ZNF345: variants seen among roughly 807,000 people sequenced by gnomAD.
ZNF345 encodes the protein zinc finger protein 345.
For missense variants in ZNF345, 527 were observed against 589.9 expected, an observed-to-expected ratio of 0.89 and a Z score of 1.10; for synonymous variants, 166 against 187.9, an observed-to-expected ratio of 0.88 and a Z score of 0.95.
At chr19:36,887,435 G>A (rs951097691) in intron 3 of ZNF345, among the ~76,000 whole-genome samples, 1 of 152,130 alleles carries the variant, frequency 6.6e-6, no homozygotes, top group Admixed American at 6.5e-5. Context: ...TTTAGTAGTA[G>A]GGGAAACTAG....
rs1473456846 is a variant in ZNF345 at position 36,878,801 on chromosome 19, A to G, written c.*504A>G. The stretch of plus-strand genomic sequence containing the variant: ...GATGGTAAGTTACATTTTTATTCAC[A>G]TAAAGCTTGGATATCAGGTCAGTGT... On this transcript the variant is annotated 3_prime_UTR_variant, in exon 3 of 3. Coordinates refer to ENST00000420450, the MANE Select transcript of ZNF345 (RefSeq NM_001242472.2). The G allele has an allele frequency of 3.0e-5, 5 of 167,032 alleles. No homozygotes were observed. Among genetic ancestry groups the G allele is most frequent in the Non-Finnish European group, 5.9e-5 (4 of 68,334 alleles). 10.3% of individuals were successfully genotyped at this position (167,032 alleles called of 1,614,324 possible).
intron 3 of ZNF345, chr19:36,891,816 T>C (rs1305859121): frequency 6.2e-7 from 1 of 1,614,128 alleles, no homozygotes; most frequent in Non-Finnish European, 8.5e-7. Context: ...ACTGCTTACA[T>C]TCATAAGGTT....
rs575928687 is a variant in ZNF345 at position 36,871,197 on chromosome 19, G to T, written c.-46-5588G>T. ...TAAAAAGGGAAAGGCAGTCCTCTGG[G>T]TACTCTTTTTTAAGGACATTAATTA... On this transcript the variant is annotated intron_variant, in intron 2 of 2. Coordinates refer to ENST00000420450, the MANE Select transcript of ZNF345 (RefSeq NM_001242472.2). Among the ~76,000 whole-genome samples the T allele has an allele frequency of 7.2e-5, 11 of 152,256 alleles. 1 individual carries two copies. The South Asian group carries it at 2.3e-3, about 32-fold the overall frequency.
At chr19:36,870,839 C>G (rs909835788) in intron 2 of ZNF345, among the ~76,000 whole-genome samples, 1 of 151,966 alleles carries the variant, frequency 6.6e-6, no homozygotes, top group Admixed American at 6.6e-5. Flanking sequence ...ACCAAGTGGA[C>G]CCATTAAATA....
In ZNF345 at chr19:36,858,839, C is replaced by G. The variant is rs573632240; in HGVS notation, c.-47+6935C>G. On this transcript the variant is annotated intron_variant, in intron 2 of 2. Coordinates refer to ENST00000420450, the MANE Select transcript of ZNF345 (RefSeq NM_001242472.2). ...AATGTACACTCAGGAATGAGAATCACTGAGTTAGACAATCGTGATTTGTTT... is the reference window on the plus strand; with the variant it reads ...AATGTACACTCAGGAATGAGAATCAGTGAGTTAGACAATCGTGATTTGTTT... Among the ~76,000 whole-genome samples, 6 of 152,258 alleles carry G rather than the reference C, an allele frequency of 3.9e-5. No individual in the cohort carries two copies. The South Asian group carries it at 1.0e-3, about 26-fold the overall frequency.
chr19:36,865,733 A>G (rs1287962350), intron 2 of ZNF345, among the ~76,000 whole-genome samples: 1 of 152,204 alleles, frequency 6.6e-6, no homozygotes, highest in Non-Finnish European at 1.5e-5. Context: ...CTTGCTTTCT[A>G]GTACTTACAT....
chr19:36,870,421 C>T (rs1041407962), intron 2 of ZNF345, among the ~76,000 whole-genome samples: 1 of 152,042 alleles, frequency 6.6e-6, no homozygotes, highest in Non-Finnish European at 1.5e-5. Context: ...CACTATTACT[C>T]TAGAATTCTA....
intron 2 of ZNF345, among the ~76,000 whole-genome samples, chr19:36,872,063 G>A (rs779433056): frequency 8.6e-5 from 13 of 151,984 alleles, no homozygotes; most frequent in South Asian, 2.1e-4. Context: ...CACCATGCCC[G>A]GCCCTGTTTT....
intron 2 of ZNF345, among the ~76,000 whole-genome samples, chr19:36,854,239 T>TG (rs200893326): frequency 0.017 from 2,617 of 151,648 alleles, 88 homozygotes; most frequent in African/African-American, 0.059. Flanking sequence ...GGTTTTGTTT[T>TG]TTTTTTTTTT....
chr19:36,868,629 C>CTT (rs539327560), intron 2 of ZNF345, among the ~76,000 whole-genome samples: 1,752 of 134,638 alleles, frequency 0.013, 56 homozygotes, highest in African/African-American at 0.044. Context: ...TGAGGAGTGG[C>CTT]TTTTTTTTTT....
upstream of ZNF345, chr19:36,850,635 C>G (rs187434688): frequency 6.6e-6 from 1 of 152,376 alleles, no homozygotes; most frequent in Non-Finnish European, 1.5e-5. Context: ...AGGAGCCTGA[C>G]TAAAGCTTGG....
At chr19:36,869,304 AAG>A (rs1004772263) in intron 2 of ZNF345, among the ~76,000 whole-genome samples, 11 of 152,180 alleles carry the variant, frequency 7.2e-5, no homozygotes, top group Non-Finnish European at 1.5e-4. Context: ...CAGCACAGTA[AAG>A]AGACACATAG....
chr19:36,851,668 G>T (rs926348627), intron 1 of ZNF345, 162 bp from the exon 2 acceptor site: 4 of 152,300 alleles, frequency 2.6e-5, no homozygotes, highest in African/African-American at 9.7e-5. Context: ...TGACCCTACC[G>T]TTGTCTGTGA....
intron 2 of ZNF345, among the ~76,000 whole-genome samples, chr19:36,857,536 C>T (rs567915800): frequency 6.6e-6 from 1 of 151,808 alleles, no homozygotes; most frequent in Non-Finnish European, 1.5e-5. Context: ...CCCGAACTCC[C>T]GACCCCAGGT....
downstream of ZNF345, among the ~76,000 whole-genome samples, chr19:36,881,281 T>C (rs505896): frequency 0.24 from 36,310 of 152,066 alleles, 6,073 homozygotes; most frequent in African/African-American, 0.47. Flanking sequence ...CTGGTAAATA[T>C]AATGCAAATA....
chr19:36,858,380 G>C (rs1283536894), intron 2 of ZNF345: 1 of 152,242 alleles, frequency 6.6e-6, no homozygotes, highest in African/African-American at 2.4e-5. Flanking sequence ...TGCCACAATT[G>C]AGAACTGGTG....
Position 36,876,963 on chromosome 19 carries a change from A to G in ZNF345, c.133A>G (p.Met45Val), listed in dbSNP as rs763413498. ...FSEMIFTPED[M>V]PTFSIQHQRI... ...TGAAATGATATTTACTCCTGAAGAC[A>G]TGCCCACTTTCAGTATCCAGCATCA... The change falls in exon 3 of 3, where the codon ATG becomes GTG. Residue 45 changes from methionine to valine, a missense_variant. By Grantham distance (21) the Met-to-Val change is conservative. Coordinates refer to ENST00000420450, the MANE Select transcript of ZNF345 (RefSeq NM_001242472.2). 5 of 1,614,214 alleles carry G rather than the reference A, an allele frequency of 3.1e-6. No individual in the cohort carries two copies. The Admixed American group carries it at 6.7e-5, about 22-fold the overall frequency.
At chr19:36,864,920 G>C (rs1407075649) in intron 2 of ZNF345, among the ~76,000 whole-genome samples, 1 of 152,144 alleles carries the variant, frequency 6.6e-6, no homozygotes, top group Non-Finnish European at 1.5e-5. Context: ...GGAAATCTGT[G>C]CTCTAGAATT....
At chr19:36,884,110 G>A (rs1290472856), downstream of ZNF345, among the ~76,000 whole-genome samples, 1 of 151,946 alleles carries the variant, frequency 6.6e-6, no homozygotes, top group African/African-American at 2.4e-5. Context: ...CTGTTGCCCC[G>A]GCTGGAGTGC....
Sources: gnomAD v4.1 joint callset for allele counts (sites outside exome capture counted in the v4.1 genomes callset) on GRCh38, gnomAD v4.1.1 for gene constraint, MANE v1.5 for transcripts, NCBI Gene and HGNC (gene_info 2026-07-23, HGNC 2026-07-21) for gene names.